The following GRID2IP variants were observed in gnomAD, a reference collection of about 807,000 sequenced individuals.
GRID2IP encodes delphilin.
A neutral mutation model predicts 114.3 loss-of-function variants in GRID2IP; 78 were observed. The ratio of observed to expected loss-of-function variants is 0.68; its 90% confidence interval spans 0.57 to 0.82. GRID2IP has a LOEUF of 0.82. GRID2IP is among the 40% of genes least tolerant of loss of function. GRID2IP has a pLI of 0.00. For synonymous variants in GRID2IP, 809 were observed against 724.0 expected (o/e 1.12, Z -1.89); for missense variants, 1,727 against 1,678.5 (o/e 1.03, Z -0.51).
rs777080740 is a variant in GRID2IP, at chr7:6,539,022, T to TG, written c.584+695dup. On this transcript the variant is annotated intron_variant, in intron 2 of 21. Transcript: ENST00000457091. ...CACATGGCACAGTCCTGGGCTTCCC[T>TG]GCCCTCACATTGTGCCATTATCCTG... 2.6e-5 allele frequency among the ~76,000 whole-genome samples: 4 copies of TG among 152,226 alleles called. No homozygotes were observed. The East Asian group carries it at 7.7e-4, about 29-fold the overall frequency.
At chr7:6,537,956 C>G (rs1779754354) in intron 2 of GRID2IP, among the ~76,000 whole-genome samples, 1 of 152,184 alleles carries the variant, frequency 6.6e-6, no homozygotes. Flanking sequence ...AGGCCAGCCT[C>G]TTAACCTCTC....
At chr7:6,503,324 C>A (rs2115353826) in intron 16 of GRID2IP, among the ~76,000 whole-genome samples, 161 bp from the exon 17 acceptor site, 1 of 152,356 alleles carries the variant, frequency 6.6e-6, no homozygotes, top group Middle Eastern at 3.4e-3. Flanking sequence ...CTCCCATGTA[C>A]CTTGGACCCC....
intron 21 of GRID2IP, 73 bp downstream of exon 21, chr7:6,497,991 T>C (rs958049102): frequency 3.0e-5 from 44 of 1,456,624 alleles, no homozygotes; most frequent in African/African-American, 4.3e-5. Flanking sequence ...CCTGGCTTCA[T>C]GGAGGATCCC....
At position 6,521,298 on chromosome 7, in the gene GRID2IP, G is replaced by T; in HGVS notation, c.1084+131C>A. The stretch of plus-strand genomic sequence containing the variant: ...ACTGGGGTTCTATAGCACCACTTAG[G>T]AGGCAGCCCCGGGGAGGCAAGCTGC... On this transcript the variant is annotated intron_variant, in intron 6 of 21. Coordinates refer to ENST00000457091, the MANE Select transcript of GRID2IP (RefSeq NM_001145118.2). This position sits in a 1 kb window ranked among gnomAD's most constrained non-coding sequence, Gnocchi z 4.1. 1.6e-6 allele frequency: 1 copy of T among 626,148 alleles called. No individual in the cohort carries two copies. The highest frequency in any genetic ancestry group is 2.8e-6 in the Non-Finnish European group (1 of 359,340). The allele number at this position is 626,148 out of a possible 1,614,324, so 38.8% of individuals were successfully genotyped here.
At chr7:6,546,973 A>T (rs1562526706) in intron 1 of GRID2IP, among the ~76,000 whole-genome samples, 1 of 152,162 alleles carries the variant, frequency 6.6e-6, no homozygotes, top group South Asian at 2.1e-4. Flanking sequence ...TTTCCTGGAC[A>T]CACATTAGAC....
In GRID2IP at chr7:6,512,231, C is replaced by CTTTTTTTT. The variant is rs1002835555; in HGVS notation, c.1424-1200_1424-1193dup. 9.6e-4 allele frequency among the ~76,000 whole-genome samples: 87 copies of CTTTTTTTT among 90,196 alleles called. 2 individuals carry two copies. Among genetic ancestry groups the CTTTTTTTT allele is most frequent in the African/African-American group, 1.1e-3 (24 of 21,716 alleles). 59.2% of individuals were successfully genotyped at this position (90,196 alleles called of 152,430 possible). A position where few individuals can be genotyped will look rare whatever the true frequency, so the allele number is the denominator to read the frequency against. ...CACACCTGCCTTTTTTTCTTTTCTT[C>CTTTTTTTT]TTTTTTTTTTTTTTTTTTGTGACAG... On this transcript the variant is annotated intron_variant, in intron 8 of 21. Transcript: ENST00000457091.
chr7:6,531,283 T>G (rs1583349341), intron 2 of GRID2IP: 1 of 401,664 alleles, frequency 2.5e-6, no homozygotes. Context: ...CCCCTCCAGG[T>G]AGCCCCGCCT....
In GRID2IP at chr7:6,506,004, C is replaced by T. The variant is rs757567745; in HGVS notation, c.2545-97G>A. ...TCTGAGGGCTGCCATAGGGGCTTCC[C>T]GAGCAAAAGCACCCATCAGGTGCTG... On this transcript the variant is annotated intron_variant, in intron 13 of 21. Coordinates refer to ENST00000457091, the MANE Select transcript of GRID2IP (RefSeq NM_001145118.2). The surrounding 1 kb of genome is among the most constrained non-coding windows in gnomAD (Gnocchi z 5.2). 102 of 757,386 alleles carry T rather than the reference C, an allele frequency of 1.3e-4. No individual in the cohort carries two copies. The highest frequency in any genetic ancestry group is 2.1e-4 in the Non-Finnish European group (93 of 449,414). The allele number at this position is 757,386 out of a possible 1,614,324, so 46.9% of individuals were successfully genotyped here.
Position 6,502,104 on chromosome 7 carries a change from C to G in GRID2IP, c.3165G>C (p.Lys1055Asn). 20 of 1,551,428 alleles carry G rather than the reference C, an allele frequency of 1.3e-5. No individual in the cohort carries two copies. The highest frequency in any genetic ancestry group is 1.7e-5 in the Non-Finnish European group (20 of 1,146,898). Reference protein sequence around the residue: ...INFLTELNSTKTVDGKSTFLH... With the variant: ...INFLTELNSTNTVDGKSTFLH... ...GGAAGGTGGACTTCCCATCCACTGT[C>G]TTGGTGGAGTTCAGCTGCAAGTGAC... Residue 1055 changes from lysine (K) to asparagine (N), a missense_variant, in exon 19 of 22, where the codon AAG becomes AAC. Coordinates refer to ENST00000457091, the MANE Select transcript of GRID2IP (RefSeq NM_001145118.2).
intron 1 of GRID2IP, among the ~76,000 whole-genome samples, chr7:6,540,984 G>A (rs1779808241): frequency 6.6e-6 from 1 of 152,132 alleles, no homozygotes; most frequent in South Asian, 2.1e-4. Context: ...CCACAAGTAT[G>A]TGCCTACATG....
chr7:6,547,339 G>A (rs1779902248), intron 1 of GRID2IP, among the ~76,000 whole-genome samples: 1 of 152,052 alleles, frequency 6.6e-6, no homozygotes, highest in South Asian at 2.1e-4. Context: ...CCAGGAGTTT[G>A]AGACTAGCCT....
intron 15 of GRID2IP, among the ~76,000 whole-genome samples, chr7:6,504,122 G>C (rs992387825): frequency 6.6e-6 from 1 of 151,424 alleles, no homozygotes; most frequent in African/African-American, 2.4e-5. Flanking sequence ...CTAGAGGGGT[G>C]GGGGTCAATG....
Position 6,502,997 on chromosome 7 carries a change from C to G in GRID2IP, c.3063+11G>C, listed in dbSNP as rs890184719. ...AGCAGATAGGGTGCCAGGAAGGGTACGCCCACTGACCTCCAGGATCTTGGC... is the reference window on the plus strand; with the variant it reads ...AGCAGATAGGGTGCCAGGAAGGGTAGGCCCACTGACCTCCAGGATCTTGGC... On this transcript the variant is annotated intron_variant, in intron 17 of 21. Coordinates refer to ENST00000457091, the MANE Select transcript of GRID2IP (RefSeq NM_001145118.2). 9 of 1,551,356 alleles carry G rather than the reference C, an allele frequency of 5.8e-6. No homozygotes were observed. In the South Asian group the frequency reaches 8.3e-5, roughly 14 times the overall value.
In GRID2IP at chr7:6,508,078, G is replaced by A; in HGVS notation, c.2451C>T (p.Gly817=). The part of the protein sequence containing the change: ...VPCAPPMLSR[G]LGHRRSETSH... ...TGGTCTCACTGCGCCGGTGGCCCAG[G>A]CCCCGGGACAGCATGGGGGGTGCAC... Residue 817 remains glycine, a synonymous_variant, in exon 13 of 22, where the codon GGC becomes GGT. Transcript: ENST00000457091. The surrounding 1 kb of genome is among the most constrained non-coding windows in gnomAD (Gnocchi z 5.6). 1.5e-6 allele frequency: 2 copies of A among 1,314,470 alleles called. No individual in the cohort carries two copies. Among genetic ancestry groups the A allele is most frequent in the Non-Finnish European group, 2.0e-6 (2 of 1,001,596 alleles). 81.4% of individuals were successfully genotyped at this position (1,314,470 alleles called of 1,614,324 possible).
Position 6,520,561 on chromosome 7 carries a change from G to A in GRID2IP, c.1268+17C>T, listed in dbSNP as rs777907737. 1.4e-5 allele frequency: 22 copies of A among 1,546,764 alleles called. No individual in the cohort carries two copies. In the East Asian group the frequency reaches 2.2e-4, roughly 16 times the overall value. On this transcript the variant is annotated intron_variant, in intron 7 of 21. Transcript: ENST00000457091. The surrounding 1 kb of genome is among the most constrained non-coding windows in gnomAD (Gnocchi z 4.6). ...CCCACCCAGGGCAGGGCCCCACCGCGGCTTTGGCCCGGCCACCTGTGCTGG... is the reference window on the plus strand; with the variant it reads ...CCCACCCAGGGCAGGGCCCCACCGCAGCTTTGGCCCGGCCACCTGTGCTGG...
chr7:6,497,679 C>G lies in GRID2IP; in HGVS notation c.*95G>C. 1.1e-6 allele frequency: 1 copy of G among 910,656 alleles called. No homozygotes were observed. The highest frequency in any genetic ancestry group is 1.6e-6 in the Non-Finnish European group (1 of 606,088). The allele number at this position is 910,656 out of a possible 1,614,324, so 56.4% of individuals were successfully genotyped here. On this transcript the variant is annotated 3_prime_UTR_variant, in exon 22 of 22. Coordinates refer to ENST00000457091, the MANE Select transcript of GRID2IP (RefSeq NM_001145118.2). ...AGAGGCTGGCGGTGTGCTCAGAGCC[C>G]GGGGCACAGTGGCCCCGGACCTCGG... is the stretch of plus-strand genomic sequence containing the variant.
At chr7:6,500,143 A>G (rs958461575) in intron 20 of GRID2IP, among the ~76,000 whole-genome samples, 3 of 151,928 alleles carry the variant, frequency 2.0e-5, no homozygotes, top group Non-Finnish European at 4.4e-5. Flanking sequence ...ACCCTTACCT[A>G]AACAGCCTCA....
chr7:6,509,436 T>G lies in GRID2IP; in HGVS notation c.1772-123A>C, dbSNP rs1279383384. 2 of 871,068 alleles carry G rather than the reference T, an allele frequency of 2.3e-6. No individual in the cohort carries two copies. The highest frequency in any genetic ancestry group is 6.3e-5 in the East Asian group (2 of 31,838). The allele number at this position is 871,068 out of a possible 1,614,324, so 54.0% of individuals were successfully genotyped here. A position where few individuals can be genotyped will look rare whatever the true frequency, so the allele number is the denominator to read the frequency against. On this transcript the variant is annotated intron_variant, in intron 11 of 21. Coordinates refer to ENST00000457091, the MANE Select transcript of GRID2IP (RefSeq NM_001145118.2). The surrounding 1 kb of genome is among the most constrained non-coding windows in gnomAD (Gnocchi z 4.9). ...CCCAGGCCACTCTCCTTTCCCTCTC[T>G]GGGCACAGTGCAGGAAGACCTTGAG...
At chr7:6,546,839 C>T (rs182792827) in intron 1 of GRID2IP, among the ~76,000 whole-genome samples, 1 of 152,266 alleles carries the variant, frequency 6.6e-6, no homozygotes, top group East Asian at 1.9e-4. Flanking sequence ...GAGCTCTGAA[C>T]GTGCCCCCTT....
Sources: allele counts gnomAD v4.1 joint callset (sites outside exome capture counted in the v4.1 genomes callset), GRCh38; gene constraint gnomAD v4.1.1; non-coding constraint Gnocchi (gnomAD v3.1); transcripts MANE v1.5; gene names NCBI Gene and HGNC (gene_info 2026-07-23, HGNC 2026-07-21).